The following ANKRD55 variants were observed in gnomAD, a reference collection of about 807,000 sequenced individuals.
ANKRD55 encodes ankyrin repeat domain 55, also known as ankyrin repeat domain-containing protein 55.
In ANKRD55, 41 loss-of-function variants were observed where a neutral mutation model predicts 60.6. The observed-to-expected ratio is 0.68, with a 90% CI of 0.53 to 0.88. ANKRD55 has a LOEUF of 0.88. Among genes scored for constraint, ANKRD55 ranks in the 40% least tolerant of loss-of-function variants. The pLI is 0.00. For missense variants in ANKRD55, 732 were observed against 767.6 expected (o/e 0.95, Z 0.55); for synonymous variants, 264 against 290.3 (o/e 0.91, Z 0.92).
At chr5:56,175,067 T>G (rs994233538) in intron 4 of ANKRD55, among the ~76,000 whole-genome samples, 2 of 152,190 alleles carry the variant, frequency 1.3e-5, no homozygotes, top group Non-Finnish European at 2.9e-5. Context: ...AAAAGATCTG[T>G]GGACCACAGT....
chr5:56,228,832 A>G (rs534229799), intron 2 of ANKRD55, among the ~76,000 whole-genome samples: 1 of 152,328 alleles, frequency 6.6e-6, no homozygotes, highest in South Asian at 2.1e-4. Context: ...AGCAGCACAG[A>G]GACAATCACA....
At position 56,154,584 on chromosome 5, in the gene ANKRD55, G is replaced by GTTTT. The variant is rs368083555; in HGVS notation, c.483+5245_483+5248dup. On this transcript the variant is annotated intron_variant, in intron 6 of 11. Transcript: ENST00000341048. ...TTACAGCAGAAGATTTAGTTTTAAA[G>GTTTT]TTTTTTTTTTTTTTTTTTGAGACAG... Among the ~76,000 whole-genome samples the GTTTT allele has an allele frequency of 2.8e-3, 374 of 134,726 alleles. 7 individuals carry two copies. The highest frequency in any genetic ancestry group is 9.8e-3 in the African/African-American group (353 of 35,944). 88.4% of individuals were successfully genotyped at this position (134,726 alleles called of 152,430 possible).
chr5:56,119,422 G>C (rs146361903), intron 8 of ANKRD55, among the ~76,000 whole-genome samples: 3 of 152,326 alleles, frequency 2.0e-5, no homozygotes, highest in African/African-American at 7.2e-5. Flanking sequence ...GGTTGCCAGG[G>C]CTTAGGGATG....
intron 2 of ANKRD55, among the ~76,000 whole-genome samples, chr5:56,205,701 C>A (rs1380645939): frequency 1.3e-5 from 2 of 152,192 alleles, no homozygotes; most frequent in African/African-American, 4.8e-5. Context: ...TTTTAAAAGG[C>A]ACCCTCCTTG....
intron 6 of ANKRD55, among the ~76,000 whole-genome samples, chr5:56,159,209 C>T (rs1758264417): frequency 6.6e-6 from 1 of 152,182 alleles, no homozygotes; most frequent in South Asian, 2.1e-4. Flanking sequence ...TGCCTGTAAT[C>T]CCAGCACTTT....
At chr5:56,137,177 T>C (rs932170432) in intron 7 of ANKRD55, 21 of 1,584,474 alleles carry the variant, frequency 1.3e-5, no homozygotes, top group African/African-American at 2.7e-5. Flanking sequence ...GTGGTGGAGT[T>C]GGCAAGTGTG....
At position 56,112,511 on chromosome 5, in the gene ANKRD55, A is replaced by AAAAAAAAAAAAAAAAACAAAAAAAAAAC; in HGVS notation, c.966-730_966-729insGTTTTTTTTTTGTTTTTTTTTTTTTTTT. Among the ~76,000 whole-genome samples, 3 of 81,526 alleles carry AAAAAAAAAAAAAAAAACAAAAAAAAAAC rather than the reference A, an allele frequency of 3.7e-5. 1 individual carries two copies. The highest frequency in any genetic ancestry group is 1.6e-4 in the African/African-American group (3 of 18,514). The allele number at this position is 81,526 out of a possible 152,430, so 53.5% of individuals were successfully genotyped here. On this transcript the variant is annotated intron_variant, in intron 9 of 11. Coordinates refer to ENST00000341048, the MANE Select transcript of ANKRD55 (RefSeq NM_024669.3). Reference sequence around the variant, plus strand: ...GCAGGATCTCATCTCTAGCAAAAAAAAAAAAAAAAAACAACCAAGGAAAGA... The same window carrying AAAAAAAAAAAAAAAAACAAAAAAAAAAC: ...GCAGGATCTCATCTCTAGCAAAAAAAAAAAAAAAAAAAAAAACAAAAAAAAAACAAAAAAAAAAACAACCAAGGAAAGA...
intron 8 of ANKRD55, among the ~76,000 whole-genome samples, chr5:56,117,416 T>C (rs1756914700): frequency 6.6e-6 from 1 of 152,200 alleles, no homozygotes; most frequent in South Asian, 2.1e-4. Flanking sequence ...TATGAAAACA[T>C]TTTCTGTAAT....
intron 5 of ANKRD55, among the ~76,000 whole-genome samples, chr5:56,161,189 G>C (rs909847537): frequency 6.6e-6 from 1 of 151,686 alleles, no homozygotes; most frequent in Admixed American, 6.6e-5. Flanking sequence ...CTGTACTCAG[G>C]GTTTCTAACT....
chr5:56,102,400 A>G (rs1000525702), intron 11 of ANKRD55, 94 bp downstream of exon 11: 24 of 1,016,668 alleles, frequency 2.4e-5, no homozygotes, highest in Non-Finnish European at 3.0e-5. Flanking sequence ...CAAAAAAAAA[A>G]AAAGAAAAAT....
intron 2 of ANKRD55, among the ~76,000 whole-genome samples, chr5:56,214,064 A>G (rs1390309988): frequency 6.6e-6 from 1 of 152,098 alleles, no homozygotes; most frequent in African/African-American, 2.4e-5. Flanking sequence ...GTGCAGGGGA[A>G]CTCCCATTTA....
intron 10 of ANKRD55, among the ~76,000 whole-genome samples, chr5:56,108,772 C>T (rs1756575066): frequency 6.6e-6 from 1 of 152,236 alleles, no homozygotes; most frequent in South Asian, 2.1e-4. Context: ...GGCACAGTGG[C>T]TCACGCCTGT....
intron 4 of ANKRD55, among the ~76,000 whole-genome samples, chr5:56,174,271 G>T (rs1031770823): frequency 6.6e-6 from 1 of 152,154 alleles, no homozygotes; most frequent in Non-Finnish European, 1.5e-5. Flanking sequence ...CCCTTGCATA[G>T]CTCTCTAGTC....
At chr5:56,135,355 C>T (rs942858214) in intron 7 of ANKRD55, among the ~76,000 whole-genome samples, 2 of 52,268 alleles carry the variant, frequency 3.8e-5, no homozygotes, top group African/African-American at 1.6e-4. Flanking sequence ...TTCTTTCTTT[C>T]TTTCTTTCTT....
chr5:56,212,002 G>T (rs1561294566), intron 2 of ANKRD55, among the ~76,000 whole-genome samples: 1 of 149,418 alleles, frequency 6.7e-6, no homozygotes, highest in African/African-American at 2.5e-5. Flanking sequence ...CAGAAAAAAA[G>T]TAAAATTTTT....
intron 2 of ANKRD55, among the ~76,000 whole-genome samples, chr5:56,197,877 T>C (rs906618939): frequency 7.2e-5 from 11 of 152,316 alleles, no homozygotes; most frequent in African/African-American, 2.6e-4. Context: ...AGTATTAATT[T>C]TTCACTTCTT....
intron 2 of ANKRD55, among the ~76,000 whole-genome samples, chr5:56,218,721 TGTA>T (rs1759882201): frequency 6.6e-6 from 1 of 152,154 alleles, no homozygotes; most frequent in African/African-American, 2.4e-5. Context: ...AAGGTATACC[TGTA>T]TTAGGTCAAT....
chr5:56,137,465 G>A, intron 7 of ANKRD55: 1 of 807,948 alleles, frequency 1.2e-6, no homozygotes, highest in East Asian at 2.4e-5. Context: ...CAGAAGAGGA[G>A]ATTGCCCAGA....
rs943463596 is a variant in ANKRD55 at position 56,153,258 on chromosome 5, C to A, written c.483+6575G>T. 4.1e-4 allele frequency among the ~76,000 whole-genome samples: 58 copies of A among 142,166 alleles called. 2 individuals carry two copies. The South Asian group carries it at 6.2e-3, about 15-fold the overall frequency. The allele number at this position is 142,166 out of a possible 152,430, so 93.3% of individuals were successfully genotyped here. ...AACTGGGAAAAAACCAGTACTTCCA[C>A]TAAAAACAACAACAACAACAACAAC... On this transcript the variant is annotated intron_variant, in intron 6 of 11. Coordinates refer to ENST00000341048, the MANE Select transcript of ANKRD55 (RefSeq NM_024669.3).
Sources: gnomAD v4.1 joint callset for allele counts (sites outside exome capture counted in the v4.1 genomes callset) on GRCh38, gnomAD v4.1.1 for gene constraint, MANE v1.5 for transcripts, NCBI Gene and HGNC (gene_info 2026-07-23, HGNC 2026-07-21) for gene names.